Variants in DISP1 observed in about 807,000 individuals in gnomAD.
The protein encoded by DISP1 is protein dispatched homolog 1.
DISP1 carries 30 observed loss-of-function variants against 37.3 expected under a neutral mutation model. The ratio of observed to expected loss-of-function variants is 0.80; its 90% CI spans 0.60 to 1.09. The LOEUF is 1.09. DISP1 is among the 50% of genes least tolerant of loss of function. DISP1 has a pLI of 0.00. For synonymous variants in DISP1, 634 were observed against 690.2 expected, an observed-to-expected ratio of 0.92 and a Z score of 1.28; for missense variants, 1,598 against 1,879.5, an observed-to-expected ratio of 0.85 and a Z score of 2.77.
intron 6 of DISP1, 78 bp from the exon 7 acceptor site, chr1:222,991,935 A>T (rs1678724045): frequency 3.5e-6 from 4 of 1,151,050 alleles, no homozygotes; most frequent in Non-Finnish European, 5.2e-6. Context: ...GGCTTTGAGG[A>T]AGTAATGTTT....
chr1:222,816,095 AT>A (rs1661165631), intron 1 of DISP1, among the ~76,000 whole-genome samples: 3 of 148,004 alleles, frequency 2.0e-5, no homozygotes, highest in Non-Finnish European at 3.0e-5. Context: ...ATATATATAT[AT>A]ATATATAAAT....
intron 1 of DISP1, among the ~76,000 whole-genome samples, chr1:222,821,061 A>G (rs1662752201): frequency 6.6e-6 from 1 of 152,122 alleles, no homozygotes; most frequent in Non-Finnish European, 1.5e-5. Context: ...AAGCAGGTGC[A>G]TGTCTCTGGC....
intron 3 of DISP1, among the ~76,000 whole-genome samples, chr1:222,975,996 G>A (rs1019132696): frequency 6.6e-5 from 10 of 152,134 alleles, no homozygotes; most frequent in African/African-American, 1.9e-4. Context: ...GTGGTGGGAC[G>A]CGCAAATGTC....
intron 1 of DISP1, among the ~76,000 whole-genome samples, chr1:222,879,926 A>G (rs920894970): frequency 6.6e-6 from 1 of 152,306 alleles, no homozygotes; most frequent in African/African-American, 2.4e-5. Flanking sequence ...ATAGAGGAGC[A>G]TAACATTAAA....
chr1:222,903,033 A>G (rs1409510698), intron 1 of DISP1, among the ~76,000 whole-genome samples: 7 of 151,924 alleles, frequency 4.6e-5, no homozygotes, highest in African/African-American at 1.7e-4. Context: ...TCACAATAGC[A>G]AAGACTTGGA....
chr1:222,970,694 C>T (rs1317527807), intron 3 of DISP1, among the ~76,000 whole-genome samples: 2 of 152,136 alleles, frequency 1.3e-5, no homozygotes, highest in East Asian at 3.9e-4. Flanking sequence ...GCCAAAGAGG[C>T]TAAAACCCAA....
In DISP1 at chr1:222,992,109, A is replaced by G; in HGVS notation, c.888A>G (p.Pro296=). Reference sequence around the variant, plus strand: ...AGGACAGCTTTTTCTGCGACGTTCCAAGTGAGTGACATTGTAGATGAACAA... The same window carrying G: ...AGGACAGCTTTTTCTGCGACGTTCCGAGTGAGTGACATTGTAGATGAACAA... ...FHKDSFFCDV[P]SDRYSRVVFT... Residue 296 remains proline, a splice_region_variant and synonymous_variant, in exon 7 of 9, where the codon CCA becomes CCG. Coordinates refer to ENST00000675850, the MANE Select transcript of DISP1 (RefSeq NM_001377229.1). 2 of 1,611,316 alleles carry G rather than the reference A, an allele frequency of 1.2e-6. No homozygotes were observed. The highest frequency in any genetic ancestry group is 1.7e-6 in the Non-Finnish European group (2 of 1,177,460).
chr1:222,989,302 TGA>T, intron 4 of DISP1: 1 of 905,044 alleles, frequency 1.1e-6, no homozygotes, highest in Non-Finnish European at 1.3e-6. Context: ...ACTGAGAATT[TGA>T]GAGTAGTGGT....
At chr1:222,964,389 G>A (rs1397221736) in intron 3 of DISP1, among the ~76,000 whole-genome samples, 2 of 151,998 alleles carry the variant, frequency 1.3e-5, no homozygotes, top group Admixed American at 1.3e-4. Context: ...CTGATTCGAA[G>A]CCTTCCTCTT....
chr1:222,848,491 G>T (rs558763129), intron 1 of DISP1, among the ~76,000 whole-genome samples: 29 of 152,120 alleles, frequency 1.9e-4, no homozygotes, highest in African/African-American at 7.0e-4. Context: ...TATACTTTGT[G>T]TATGGAATGG....
intron 3 of DISP1, among the ~76,000 whole-genome samples, chr1:222,979,225 C>G (rs1677641440): frequency 6.6e-6 from 1 of 152,074 alleles, no homozygotes; most frequent in African/African-American, 2.4e-5. Flanking sequence ...ATAGGCAGCA[C>G]AGGGAGACCC....
chr1:222,962,315 G>A (rs1320732585), intron 3 of DISP1, among the ~76,000 whole-genome samples: 1 of 152,182 alleles, frequency 6.6e-6, no homozygotes, highest in Non-Finnish European at 1.5e-5. Context: ...CCATGCTCAT[G>A]GATAGGAAGA....
At position 222,997,157 on chromosome 1, in the gene DISP1, A is replaced by G. The variant is rs561520105; in HGVS notation, c.987+2175A>G. Among the ~76,000 whole-genome samples the G allele has an allele frequency of 2.6e-5, 4 of 152,220 alleles. No homozygotes were observed. The South Asian group carries it at 6.2e-4, about 24-fold the overall frequency. On this transcript the variant is annotated intron_variant, in intron 8 of 8. Transcript: ENST00000675850. ...GTTTACAGAAAAGCATATGCAAAGGATGAGATAAATAAGTTGAATGAAATA... is the reference window on the plus strand; with the variant it reads ...GTTTACAGAAAAGCATATGCAAAGGGTGAGATAAATAAGTTGAATGAAATA...
chr1:222,979,728 TG>T lies in DISP1; in HGVS notation c.510-3350del. The T allele has an allele frequency of 6.4e-6, 3 of 467,150 alleles. 1 individual carries two copies. Among genetic ancestry groups the T allele is most frequent in the South Asian group, 4.7e-5 (3 of 63,968 alleles). 28.9% of individuals were successfully genotyped at this position (467,150 alleles called of 1,614,324 possible). ...CTAAGCCCTCACCAGCTCACTGGAG[TG>T]GCCCTGCACTCCGTCCCTCTATGCA... On this transcript the variant is annotated intron_variant, in intron 3 of 8. Coordinates refer to ENST00000675850, the MANE Select transcript of DISP1 (RefSeq NM_001377229.1).
chr1:222,899,978 AC>A (rs1436548055), intron 1 of DISP1: 1 of 152,152 alleles, frequency 6.6e-6, no homozygotes, highest in East Asian at 1.9e-4. Context: ...GTTTTTAGCA[AC>A]CCCAAAATGC....
At chr1:222,944,487 A>C (rs1674617949) in intron 3 of DISP1, among the ~76,000 whole-genome samples, 1 of 152,226 alleles carries the variant, frequency 6.6e-6, no homozygotes, top group African/African-American at 2.4e-5. Flanking sequence ...CTTTAAAATT[A>C]GGGTATAATT....
rs577050884 is a variant in DISP1 at position 222,983,570 on chromosome 1, T to C, written c.539+461T>C. Among the ~76,000 whole-genome samples the C allele has an allele frequency of 1.0e-3, 155 of 152,204 alleles. 1 individual carries two copies. The highest frequency in any genetic ancestry group is 3.6e-3 in the African/African-American group (148 of 41,518). ...AGGTGGCAGTTGCAGTGAGCCAGGATTGTGCCACTGTACTCCAGCCTGGGG... is the reference window on the plus strand; with the variant it reads ...AGGTGGCAGTTGCAGTGAGCCAGGACTGTGCCACTGTACTCCAGCCTGGGG... On this transcript the variant is annotated intron_variant, in intron 4 of 8. Transcript: ENST00000675850.
At position 223,004,943 on chromosome 1, in the gene DISP1, C is replaced by T; in HGVS notation, c.3546C>T (p.Gly1182=). ...ATGCTTATCATTTAGATCCCAGGGG[C>T]CCAAAATCTGAACTGGAGCATGAGT... ...TINAYHLDPR[G]PKSELEHEFY... The change falls in exon 9 of 9, where the codon GGC becomes GGT. Residue 1182 remains glycine (G), a synonymous_variant. Transcript: ENST00000675850. This position sits in a 1 kb window ranked among gnomAD's most constrained non-coding sequence, Gnocchi z 4.9. 6.2e-7 allele frequency: 1 copy of T among 1,613,208 alleles called. No homozygotes were observed. Among genetic ancestry groups the T allele is most frequent in the Non-Finnish European group, 8.5e-7 (1 of 1,180,010 alleles).
intron 1 of DISP1, among the ~76,000 whole-genome samples, chr1:222,818,148 G>T (rs1230504755): frequency 6.6e-6 from 1 of 152,068 alleles, no homozygotes; most frequent in Non-Finnish European, 1.5e-5. Context: ...TGATTTGCAT[G>T]GGGGGGTGGG....
Sources: allele counts gnomAD v4.1 joint callset (sites outside exome capture counted in the v4.1 genomes callset), GRCh38; gene constraint gnomAD v4.1.1; non-coding constraint Gnocchi (gnomAD v3.1); transcripts MANE v1.5; gene names NCBI Gene and HGNC (gene_info 2026-07-23, HGNC 2026-07-21).